CNTNAP5: variants seen among roughly 807,000 people sequenced by gnomAD.
CNTNAP5 encodes the protein contactin-associated protein-like 5.
In CNTNAP5, 72 loss-of-function variants were observed where a neutral mutation model predicts 150.2. That is an observed-to-expected ratio of 0.48 (90% confidence interval 0.40 to 0.58). The LOEUF is 0.58. Among genes scored for constraint, CNTNAP5 ranks in the 20% least tolerant of loss-of-function variants. CNTNAP5 has a pLI of 0.00. For missense variants in CNTNAP5, 1,636 were observed against 1,626.2 expected (o/e 1.01, Z -0.10); for synonymous variants, 672 against 619.8 (o/e 1.08, Z -1.25).
At chr2:124,342,547 C>A (rs116161295) in intron 3 of CNTNAP5, among the ~76,000 whole-genome samples, 4,531 of 152,142 alleles carry the variant, frequency 0.03, 104 homozygotes, top group Non-Finnish European at 0.043. Flanking sequence ...GACTATTCAG[C>A]CAAAGCTTTG....
At chr2:124,863,589 T>C (rs747553282) in intron 19 of CNTNAP5, among the ~76,000 whole-genome samples, 8 of 152,224 alleles carry the variant, frequency 5.3e-5, no homozygotes, top group Admixed American at 2.6e-4. Context: ...ACTACATTTT[T>C]CTATTCTTAA....
At chr2:124,332,404 T>C (rs1251301770) in intron 3 of CNTNAP5, among the ~76,000 whole-genome samples, 1 of 151,316 alleles carries the variant, frequency 6.6e-6, no homozygotes, top group Admixed American at 6.6e-5. Flanking sequence ...ACCAGCATTC[T>C]GTAGACTAAC....
At chr2:124,758,444 T>A (rs1309044189) in intron 14 of CNTNAP5, among the ~76,000 whole-genome samples, 2 of 151,982 alleles carry the variant, frequency 1.3e-5, no homozygotes, top group African/African-American at 2.4e-5. Flanking sequence ...CATGTGTGTG[T>A]GTGTCTGTGT....
At chr2:124,114,786 A>G (rs948031978) in intron 1 of CNTNAP5, among the ~76,000 whole-genome samples, 2 of 151,650 alleles carry the variant, frequency 1.3e-5, no homozygotes, top group Non-Finnish European at 3.0e-5. Flanking sequence ...AAATAATTTC[A>G]TTTAATATTT....
At chr2:124,708,315 G>A (rs1278101574) in intron 13 of CNTNAP5, among the ~76,000 whole-genome samples, 1 of 152,176 alleles carries the variant, frequency 6.6e-6, no homozygotes, top group Non-Finnish European at 1.5e-5. Flanking sequence ...TACTGAGGAG[G>A]AAATAGAGCT....
intron 3 of CNTNAP5, among the ~76,000 whole-genome samples, chr2:124,313,368 A>G (rs530451121): frequency 1.3e-5 from 2 of 152,318 alleles, no homozygotes; most frequent in East Asian, 3.9e-4. Context: ...TGTTACTGCA[A>G]TAGGAACTTG....
At chr2:124,547,873 G>A (rs1695548899) in intron 10 of CNTNAP5, among the ~76,000 whole-genome samples, 1 of 152,152 alleles carries the variant, frequency 6.6e-6, no homozygotes, top group Non-Finnish European at 1.5e-5. Flanking sequence ...CAGCAACCTG[G>A]TTGTATTCAA....
intron 3 of CNTNAP5, among the ~76,000 whole-genome samples, chr2:124,334,237 A>AT (rs756888043): frequency 1.3e-5 from 2 of 152,008 alleles, no homozygotes; most frequent in African/African-American, 4.8e-5. Context: ...TCTATTGGTA[A>AT]TTTTTTATCC....
intron 1 of CNTNAP5, among the ~76,000 whole-genome samples, chr2:124,036,140 G>A (rs1024724132): frequency 1.3e-5 from 2 of 151,000 alleles, no homozygotes; most frequent in African/African-American, 4.9e-5. Context: ...TAGCCAGGAT[G>A]GTCTCGATCT....
intron 1 of CNTNAP5, among the ~76,000 whole-genome samples, chr2:124,073,488 T>C (rs1682362306): frequency 6.6e-6 from 1 of 152,072 alleles, no homozygotes; most frequent in African/African-American, 2.4e-5. Flanking sequence ...AACCAGTACA[T>C]ATAAGGAGCT....
Position 124,327,723 on chromosome 2 carries a change from C to G in CNTNAP5, c.381+85330C>G, listed in dbSNP as rs1202343210. Among the ~76,000 whole-genome samples, 3 of 152,148 alleles carry G rather than the reference C, an allele frequency of 2.0e-5. No homozygotes were observed. In the East Asian group the frequency reaches 5.8e-4, roughly 29 times the overall value. On this transcript the variant is annotated intron_variant, in intron 3 of 23. Coordinates refer to ENST00000682447, the MANE Select transcript of CNTNAP5 (RefSeq NM_001367498.1). ...AATCTATCTAAGAACTGGAAGGCCC[C>G]TTCCCCTTTGAGTTGTCCTGCCCTT...
At chr2:124,845,996 C>A (rs749349239) in intron 19 of CNTNAP5, among the ~76,000 whole-genome samples, 3 of 148,384 alleles carry the variant, frequency 2.0e-5, no homozygotes, top group African/African-American at 5.1e-5. Flanking sequence ...GTTGTTGTTT[C>A]AATTTCATTC....
rs72962858 is a variant in CNTNAP5, at chr2:124,254,590, A to G, written c.381+12197A>G. On this transcript the variant is annotated intron_variant, in intron 3 of 23. Coordinates refer to ENST00000682447, the MANE Select transcript of CNTNAP5 (RefSeq NM_001367498.1). ...AACCACCAGGAGAGCCAGAAATTTA[A>G]CAATGACCAGATTTTAAGCCACTGG... is the stretch of plus-strand genomic sequence containing the variant. Among the ~76,000 whole-genome samples, 222 of 152,320 alleles carry G rather than the reference A, an allele frequency of 1.5e-3. 1 individual carries two copies. The highest frequency in any genetic ancestry group is 5.0e-3 in the African/African-American group (207 of 41,578).
chr2:124,342,597 A>C (rs1037939384), intron 3 of CNTNAP5, among the ~76,000 whole-genome samples: 1 of 152,230 alleles, frequency 6.6e-6, no homozygotes, highest in African/African-American at 2.4e-5. Flanking sequence ...TATTAGAAGA[A>C]GAATAAATTC....
intron 4 of CNTNAP5, among the ~76,000 whole-genome samples, chr2:124,420,972 T>G (rs1241109309): frequency 6.6e-6 from 1 of 152,250 alleles, no homozygotes; most frequent in Non-Finnish European, 1.5e-5. Context: ...CAGTGGACAC[T>G]TAATGTTTCT....
intron 10 of CNTNAP5, among the ~76,000 whole-genome samples, chr2:124,538,840 T>G (rs987621301): frequency 2.0e-5 from 3 of 152,140 alleles, no homozygotes; most frequent in Non-Finnish European, 2.9e-5. Flanking sequence ...ATAAAGAGAT[T>G]CCTTGGTATT....
chr2:124,088,018 T>C (rs994082452), intron 1 of CNTNAP5, among the ~76,000 whole-genome samples: 14 of 152,170 alleles, frequency 9.2e-5, no homozygotes, highest in African/African-American at 3.4e-4. Context: ...TTTTCAGCCA[T>C]TATTCAAGTT....
intron 19 of CNTNAP5, among the ~76,000 whole-genome samples, chr2:124,811,706 C>CA (rs1553445018): frequency 2.1e-4 from 29 of 136,580 alleles, no homozygotes; most frequent in Admixed American, 1.1e-3. Flanking sequence ...CTTTAGGAGG[C>CA]GGGGGGGGTG....
intron 1 of CNTNAP5, among the ~76,000 whole-genome samples, chr2:124,204,776 C>G (rs1259502763): frequency 6.6e-6 from 1 of 152,022 alleles, no homozygotes; most frequent in African/African-American, 2.4e-5. Context: ...AATCCCACCC[C>G]CACCATTCAA....
Sources: allele counts gnomAD v4.1 joint callset (sites outside exome capture counted in the v4.1 genomes callset), GRCh38; gene constraint gnomAD v4.1.1; transcripts MANE v1.5; gene names NCBI Gene and HGNC (gene_info 2026-07-23, HGNC 2026-07-21).